MTO1: variants seen among roughly 807,000 people sequenced by gnomAD.
MTO1 encodes the protein mitochondrial tRNA translation optimization 1, also known as 5-taurinomethyluridine-[tRNA] synthase subunit MTO1, mitochondrial.
A neutral mutation model predicts 71.6 loss-of-function variants in MTO1; 46 were observed. The observed-to-expected ratio is 0.64, with a 90% CI of 0.51 to 0.82. The LOEUF (loss-of-function observed/expected upper bound fraction) is 0.82, where lower values mean the gene tolerates loss of function less well. MTO1 is among the 40% of genes least tolerant of loss of function. The probability of loss-of-function intolerance (pLI) is 0.00; values close to 1 mark genes in which losing one functional copy is unlikely to be tolerated. For missense variants in MTO1, 773 were observed against 867.5 expected (o/e 0.89, Z 1.37); for synonymous variants, 297 against 312.1 (o/e 0.95, Z 0.51).
rs146893983 is a variant in MTO1 at position 73,484,394 on chromosome 6, C to G, written c.1637+1774C>G. Among the ~76,000 whole-genome samples the G allele has an allele frequency of 3.1e-3, 470 of 152,222 alleles. 5 individuals carry two copies. Among genetic ancestry groups the G allele is most frequent in the African/African-American group, 0.01 (426 of 41,536 alleles). ...TCTGGTGAGGGCTTGCTGTTTGCTTCCAAGATGGTGCCTTCTTGCTGTGTT... is the reference window on the plus strand; with the variant it reads ...TCTGGTGAGGGCTTGCTGTTTGCTTGCAAGATGGTGCCTTCTTGCTGTGTT... On this transcript the variant is annotated intron_variant, in intron 9 of 11. Transcript: ENST00000498286.
At chr6:73,471,126 C>T (rs1188574494) in intron 3 of MTO1, among the ~76,000 whole-genome samples, 1 of 150,588 alleles carries the variant, frequency 6.6e-6, no homozygotes, top group Non-Finnish European at 1.5e-5. Flanking sequence ...AAAATCGTAG[C>T]ATATTATACA....
At position 73,480,129 on chromosome 6, in the gene MTO1, AAAG is replaced by A. The variant is rs758510777; in HGVS notation, c.1129+8_1129+10del. On this transcript the variant is annotated splice_donor_5th_base_variant and intron_variant, in intron 6 of 11. Coordinates refer to ENST00000498286, the MANE Select transcript of MTO1 (RefSeq NM_012123.4). Reference sequence around the variant, plus strand: ...GAAAGCTAAAGTGATTCAGCCAGGTAAAGAAGATCACAAGTGCCCTTCAGTATA... The same window carrying A: ...GAAAGCTAAAGTGATTCAGCCAGGTAAAGATCACAAGTGCCCTTCAGTATA... The A allele has an allele frequency of 2.2e-5, 36 of 1,613,416 alleles. No homozygotes were observed. The African/African-American group carries it at 3.9e-4, about 17-fold the overall frequency.
intron 11 of MTO1, among the ~76,000 whole-genome samples, chr6:73,498,235 G>A (rs1160391599): frequency 6.6e-6 from 1 of 151,728 alleles, no homozygotes; most frequent in African/African-American, 2.4e-5. Context: ...CTTGACCTCA[G>A]ATTTTTTTCT....
chr6:73,500,090 C>G (rs6902599), intron 11 of MTO1, among the ~76,000 whole-genome samples: 10,152 of 152,238 alleles, frequency 0.067, 460 homozygotes, highest in East Asian at 0.19. Flanking sequence ...TTCTCGACCT[C>G]CCAGGCTCAA....
intron 3 of MTO1, among the ~76,000 whole-genome samples, chr6:73,472,597 A>G (rs1015241034): frequency 6.6e-6 from 1 of 152,182 alleles, no homozygotes; most frequent in African/African-American, 2.4e-5. Flanking sequence ...CAAAGGTTAT[A>G]CATTTTCAGC....
chr6:73,500,919 G>A lies in MTO1; in HGVS notation c.*184G>A, dbSNP rs763378248. 5.6e-5 allele frequency: 25 copies of A among 445,826 alleles called. No homozygotes were observed. The highest frequency in any genetic ancestry group is 1.4e-4 in the African/African-American group (7 of 49,328). The allele number at this position is 445,826 out of a possible 1,614,324, so 27.6% of individuals were successfully genotyped here. A position where few individuals can be genotyped will look rare whatever the true frequency, so the allele number is the denominator to read the frequency against. ...TTTCGTGTATATGAAAAAACTAGTC[G>A]TAAACAATTTGTACTCTTTCTTTAA... On this transcript the variant is annotated 3_prime_UTR_variant, in exon 12 of 12. Transcript: ENST00000498286.
intron 6 of MTO1, chr6:73,480,459 AG>A (rs1771456196): frequency 3.4e-6 from 2 of 596,590 alleles, no homozygotes; most frequent in South Asian, 3.6e-5. Context: ...TAGTAGAGAC[AG>A]GGTTTCTCCC....
chr6:73,462,062 G>T lies in MTO1; in HGVS notation c.208G>T (p.Asp70Tyr). The change falls in exon 1 of 12, where the codon GAC becomes TAC. Residue 70 changes from aspartate to tyrosine, a missense_variant. Physicochemically the swap from Asp to Tyr is radical, Grantham distance 160. Transcript: ENST00000498286. ...SRTLLLTHRVDTIGQMSCNPS... is the reference protein window; with the variant it reads ...SRTLLLTHRVYTIGQMSCNPS... ...GACTCTGCTCCTCACTCACCGCGTGGACACGATCGGTGAGGAGCGCGGGTG... is the reference window on the plus strand; with the variant it reads ...GACTCTGCTCCTCACTCACCGCGTGTACACGATCGGTGAGGAGCGCGGGTG... The T allele has an allele frequency of 1.2e-6, 2 of 1,613,506 alleles. No individual in the cohort carries two copies. Among genetic ancestry groups the T allele is most frequent in the Non-Finnish European group, 1.7e-6 (2 of 1,179,782 alleles).
Position 73,461,789 on chromosome 6 carries a change from TG to T in MTO1, c.-65del, listed in dbSNP as rs1205645431. 1.3e-6 allele frequency: 2 copies of T among 1,531,802 alleles called. No individual in the cohort carries two copies. Among genetic ancestry groups the T allele is most frequent in the Admixed American group, 1.7e-5 (1 of 57,982 alleles). 94.9% of individuals were successfully genotyped at this position (1,531,802 alleles called of 1,614,324 possible). Reference sequence around the variant, plus strand: ...TGGCCGCGCCCTGCAGATTGTCTCTTGTTGCGTAAGTTTTTTTGACCGTCAC... The same window carrying T: ...TGGCCGCGCCCTGCAGATTGTCTCTTTTGCGTAAGTTTTTTTGACCGTCAC... On this transcript the variant is annotated 5_prime_UTR_variant, in exon 1 of 12. The change abolishes the stop of an existing upstream ORF in the 5' untranslated region. Coordinates refer to ENST00000498286, the MANE Select transcript of MTO1 (RefSeq NM_012123.4).
chr6:73,500,477 G>A (rs930309546), intron 11 of MTO1, 97 bp from the exon 12 acceptor site: 2 of 939,458 alleles, frequency 2.1e-6, no homozygotes, highest in Non-Finnish European at 2.9e-6. Flanking sequence ...AGAAAATATT[G>A]TATAAACTAT....
intron 3 of MTO1, among the ~76,000 whole-genome samples, chr6:73,472,165 C>G (rs755658904): frequency 6.6e-6 from 1 of 152,124 alleles, no homozygotes; most frequent in Admixed American, 6.6e-5. Flanking sequence ...ATCTTCTCTT[C>G]AGATATTAAT....
Position 73,468,770 on chromosome 6 carries a change from G to C in MTO1, c.535+2164G>C, listed in dbSNP as rs565928029. Among the ~76,000 whole-genome samples, 6 of 151,418 alleles carry C rather than the reference G, an allele frequency of 4.0e-5. No individual in the cohort carries two copies. In the South Asian group the frequency reaches 1.3e-3, roughly 32 times the overall value. On this transcript the variant is annotated intron_variant, in intron 3 of 11. Transcript: ENST00000498286. ...TTACAGACAGCAGCAACCACGCCCA[G>C]CTAATTTTTGTGTTTTTAGTGGAGA...
intron 3 of MTO1, among the ~76,000 whole-genome samples, chr6:73,469,677 G>A (rs1771094801): frequency 6.6e-6 from 1 of 150,768 alleles, no homozygotes; most frequent in Admixed American, 6.7e-5. Flanking sequence ...TGTGTACACA[G>A]TTAATTTTAT....
At chr6:73,483,856 G>A (rs1561948060) in intron 9 of MTO1, among the ~76,000 whole-genome samples, 2 of 143,960 alleles carry the variant, frequency 1.4e-5, no homozygotes. Flanking sequence ...TCGGCTCACT[G>A]CAACCTCTGC....
At position 73,495,282 on chromosome 6, in the gene MTO1, T is replaced by A. The variant is rs1028375598; in HGVS notation, c.1757-2454T>A. Among the ~76,000 whole-genome samples the A allele has an allele frequency of 2.0e-5, 3 of 152,194 alleles. No individual in the cohort carries two copies. The East Asian group carries it at 5.8e-4, about 29-fold the overall frequency. On this transcript the variant is annotated intron_variant, in intron 10 of 11. Coordinates refer to ENST00000498286, the MANE Select transcript of MTO1 (RefSeq NM_012123.4). ...ATATATTAAGGTAGAAGAAGGATCG[T>A]TGACCTGTTATTTTACCATCACAAT...
rs942365228 is a variant in MTO1, at chr6:73,501,756, C to G, written c.*1021C>G. On this transcript the variant is annotated 3_prime_UTR_variant, in exon 12 of 12. Coordinates refer to ENST00000498286, the MANE Select transcript of MTO1 (RefSeq NM_012123.4). Reference sequence around the variant, plus strand: ...GAATTCCAACCCAGATCTCTGGTGTCAGCCTAGGGAGAAGCTCCCGTGTCA... The same window carrying G: ...GAATTCCAACCCAGATCTCTGGTGTGAGCCTAGGGAGAAGCTCCCGTGTCA... The G allele has an allele frequency of 2.6e-5, 4 of 152,222 alleles. No homozygotes were observed. Among genetic ancestry groups the G allele is most frequent in the Admixed American group, 2.6e-4 (4 of 15,282 alleles). 9.4% of individuals were successfully genotyped at this position (152,222 alleles called of 1,614,324 possible). A position where few individuals can be genotyped will look rare whatever the true frequency, so the allele number is the denominator to read the frequency against.
chr6:73,497,207 CAATAGCG>C (rs1772010080), intron 10 of MTO1, among the ~76,000 whole-genome samples: 1 of 130,052 alleles, frequency 7.7e-6, no homozygotes, highest in African/African-American at 2.8e-5. Context: ...GGCTGGAGTG[CAATAGCG>C]CTATATCGGC....
chr6:73,467,641 A>ATAAATAAATAAATAAATAAG (rs1771039114), intron 3 of MTO1, among the ~76,000 whole-genome samples: 1 of 151,374 alleles, frequency 6.6e-6, no homozygotes, highest in African/African-American at 2.4e-5. Flanking sequence ...AAATAAATAA[A>ATAAATAAATAAATAAATAAG]TATAAAAGAA....
In MTO1 at chr6:73,461,925, G is replaced by C. The variant is rs200417760; in HGVS notation, c.71G>C (p.Arg24Pro). 24 of 1,614,270 alleles carry C rather than the reference G, an allele frequency of 1.5e-5. No homozygotes were observed. The East Asian group carries it at 5.3e-4, about 36-fold the overall frequency. ...SFTKQQFPLA[R>P]LSSDSAAPRT... is the part of the protein sequence containing the mutation. The stretch of plus-strand genomic sequence containing the variant: ...ACCAAGCAGCAATTTCCGTTGGCAC[G>C]GTTGAGCAGTGACAGCGCGGCGCCC... Residue 24 changes from arginine (R) to proline (P), a missense_variant, in exon 1 of 12, where the codon CGG (arginine) becomes CCG (proline). By Grantham distance (103) the Arg-to-Pro change is moderately radical. Transcript: ENST00000498286.
Sources: gnomAD v4.1 joint callset for allele counts (sites outside exome capture counted in the v4.1 genomes callset) on GRCh38, gnomAD v4.1.1 for gene constraint, MANE v1.5 for transcripts, NCBI Gene and HGNC (gene_info 2026-07-23, HGNC 2026-07-21) for gene names.